MACROD2: variants seen among roughly 807,000 people sequenced by gnomAD.
MACROD2 encodes mono-ADP ribosylhydrolase 2.
A neutral mutation model predicts 70.4 loss-of-function variants in MACROD2; 36 were observed. The ratio of observed to expected loss-of-function variants is 0.51; its 90% CI spans 0.39 to 0.68. The LOEUF (loss-of-function observed/expected upper bound fraction) is 0.68, where lower values mean the gene tolerates loss of function less well. Ranked by LOEUF, MACROD2 falls within the 30% of genes least tolerant of loss-of-function variation. MACROD2 has a pLI of 0.00. For synonymous variants in MACROD2, 172 were observed against 178.8 expected, an observed-to-expected ratio of 0.96 and a Z score of 0.30; for missense variants, 496 against 538.4, an observed-to-expected ratio of 0.92 and a Z score of 0.78.
At chr20:15,686,337 A>G (rs1192760987) in intron 8 of MACROD2, among the ~76,000 whole-genome samples, 2 of 152,222 alleles carry the variant, frequency 1.3e-5, no homozygotes, top group East Asian at 3.8e-4. Context: ...TCATTCTTCA[A>G]CACAAAAACA....
intron 4 of MACROD2, among the ~76,000 whole-genome samples, chr20:14,672,564 A>C (rs922534207): frequency 2.0e-5 from 3 of 152,194 alleles, no homozygotes; most frequent in Non-Finnish European, 4.4e-5. Context: ...ACCTTTATGA[A>C]AGGTCTACCA....
intron 5 of MACROD2, among the ~76,000 whole-genome samples, chr20:14,861,993 TTA>T (rs1481857289): frequency 2.7e-5 from 1 of 36,516 alleles, no homozygotes; most frequent in Non-Finnish European, 5.4e-5. Context: ...ATATATATAT[TTA>T]TATATATATT....
At chr20:15,467,501 G>C (rs2046909863) in intron 7 of MACROD2, among the ~76,000 whole-genome samples, 2 of 152,152 alleles carry the variant, frequency 1.3e-5, no homozygotes, top group Admixed American at 6.5e-5. Flanking sequence ...CCGTTTTACA[G>C]ATGAGAAAAC....
chr20:15,988,173 A>G (rs1214809190), intron 15 of MACROD2, among the ~76,000 whole-genome samples: 1 of 152,128 alleles, frequency 6.6e-6, no homozygotes. Flanking sequence ...ATATTCTTCC[A>G]TGTCTATGCC....
chr20:15,784,835 AC>A (rs896922763), intron 8 of MACROD2, among the ~76,000 whole-genome samples: 2 of 152,116 alleles, frequency 1.3e-5, no homozygotes, highest in Non-Finnish European at 2.9e-5. Context: ...GAAAATGATT[AC>A]TTATTATTTT....
chr20:15,627,680 A>C (rs909787069), intron 8 of MACROD2, among the ~76,000 whole-genome samples: 1 of 152,048 alleles, frequency 6.6e-6, no homozygotes, highest in Non-Finnish European at 1.5e-5. Context: ...ACCTGCAAAA[A>C]ACCTGGGAAA....
chr20:15,405,208 G>A (rs1281576790), intron 6 of MACROD2, among the ~76,000 whole-genome samples: 1 of 151,292 alleles, frequency 6.6e-6, no homozygotes, highest in African/African-American at 2.4e-5. Context: ...TTAGGCAGAG[G>A]TGGTGGTGGT....
chr20:15,267,836 G>GGATTCAATCA (rs1184595070), intron 6 of MACROD2, among the ~76,000 whole-genome samples: 3 of 152,154 alleles, frequency 2.0e-5, no homozygotes, highest in Non-Finnish European at 4.4e-5. Flanking sequence ...CCGGTTCCTG[G>GGATTCAATCA]GTGGACCTGG....
intron 3 of MACROD2, among the ~76,000 whole-genome samples, chr20:14,191,446 A>G (rs1385600503): frequency 6.6e-6 from 1 of 152,236 alleles, no homozygotes. Flanking sequence ...CGGTCATTCA[A>G]TAAATATTTA....
At chr20:14,632,345 C>T (rs929758943) in intron 4 of MACROD2, among the ~76,000 whole-genome samples, 4 of 152,014 alleles carry the variant, frequency 2.6e-5, no homozygotes, top group African/African-American at 9.7e-5. Flanking sequence ...AATATGAAAA[C>T]CTGTTTTCTT....
At chr20:14,234,491 G>A (rs2081851062) in intron 3 of MACROD2, among the ~76,000 whole-genome samples, 1 of 152,034 alleles carries the variant, frequency 6.6e-6, no homozygotes, top group Admixed American at 6.5e-5. Context: ...GTTATACTTT[G>A]AAACAAAATT....
chr20:14,050,333 G>C (rs1254306439), intron 2 of MACROD2, among the ~76,000 whole-genome samples: 2 of 152,146 alleles, frequency 1.3e-5, no homozygotes, highest in African/African-American at 2.4e-5. Flanking sequence ...TGTAATACAT[G>C]AAACACTCTA....
chr20:15,013,249 T>C (rs2122939545), intron 5 of MACROD2, among the ~76,000 whole-genome samples: 1 of 152,220 alleles, frequency 6.6e-6, no homozygotes, highest in Middle Eastern at 3.4e-3. Context: ...TGCACAGACC[T>C]AGCTTTGAGA....
intron 5 of MACROD2, among the ~76,000 whole-genome samples, chr20:15,144,530 T>C (rs368368): frequency 0.59 from 89,624 of 152,022 alleles, 26,563 homozygotes; most frequent in East Asian, 0.65. Flanking sequence ...TTTGTTGAAC[T>C]GATTAAGTTT....
At chr20:15,628,335 T>C (rs982045386) in intron 8 of MACROD2, among the ~76,000 whole-genome samples, 5 of 152,338 alleles carry the variant, frequency 3.3e-5, no homozygotes, top group Admixed American at 3.3e-4. Context: ...TTTAGAGCTC[T>C]TGAATAATTA....
chr20:14,831,181 A>C (rs2072961038), intron 5 of MACROD2, among the ~76,000 whole-genome samples: 1 of 151,864 alleles, frequency 6.6e-6, no homozygotes, highest in African/African-American at 2.4e-5. Flanking sequence ...AATATATGAC[A>C]TATGTCTAAT....
At chr20:15,790,548 G>T (rs1600895834) in intron 8 of MACROD2, among the ~76,000 whole-genome samples, 1 of 151,970 alleles carries the variant, frequency 6.6e-6, no homozygotes, top group East Asian at 1.9e-4. Flanking sequence ...AGGAGGCCGT[G>T]TCTAGGGTTC....
intron 8 of MACROD2, among the ~76,000 whole-genome samples, chr20:15,639,477 G>T (rs1240960844): frequency 6.6e-6 from 1 of 152,156 alleles, no homozygotes; most frequent in African/African-American, 2.4e-5. Flanking sequence ...AGCCCCCACT[G>T]TAGTGCAGGA....
intron 8 of MACROD2, among the ~76,000 whole-genome samples, chr20:15,724,326 T>C (rs2050830493): frequency 6.6e-6 from 1 of 152,238 alleles, no homozygotes; most frequent in South Asian, 2.1e-4. Flanking sequence ...TTTGGTGTTG[T>C]ATCTGATGAG....
Sources: gnomAD v4.1 joint callset for allele counts (sites outside exome capture counted in the v4.1 genomes callset) on GRCh38, gnomAD v4.1.1 for gene constraint, MANE v1.5 for transcripts, NCBI Gene and HGNC (gene_info 2026-07-23, HGNC 2026-07-21) for gene names.